SULT1A2: variants seen among roughly 807,000 people sequenced by gnomAD.
The protein encoded by SULT1A2 is sulfotransferase family 1A member 2, also known as sulfotransferase 1A2.
SULT1A2 carries 33 observed loss-of-function variants against 36.0 expected under a neutral mutation model. The observed-to-expected ratio is 0.92, with a 90% CI of 0.69 to 1.22. SULT1A2 has a LOEUF of 1.22. Among genes scored for constraint, SULT1A2 ranks in the 50% most tolerant of loss-of-function variants. The probability of loss-of-function intolerance (pLI) is 0.00; values close to 1 mark genes in which losing one functional copy is unlikely to be tolerated. For synonymous variants in SULT1A2, 138 were observed against 144.5 expected, an observed-to-expected ratio of 0.96 and a Z score of 0.32; for missense variants, 367 against 383.2, an observed-to-expected ratio of 0.96 and a Z score of 0.35.
intron 4 of SULT1A2, among the ~76,000 whole-genome samples, chr16:28,594,285 G>A (rs1038046253): frequency 1.3e-5 from 2 of 151,796 alleles, no homozygotes; most frequent in Non-Finnish European, 2.9e-5. Context: ...GGACTATAGC[G>A]CTATGCCACC....
Position 28,593,447 on chromosome 16 carries a change from C to T in SULT1A2, c.494G>A (p.Gly165Glu). The T allele has an allele frequency of 6.2e-7, 1 of 1,614,184 alleles. No homozygotes were observed. Reference protein sequence around the residue: ...WESFLEKFMAGEVSYGSWYQH... With the variant: ...WESFLEKFMAEEVSYGSWYQH... Reference sequence around the variant, plus strand: ...CTTCCTCCCATCAAGCCCACCTTCTCCAGCCATGAACTTCTCCAGGAAGCT... The same window carrying T: ...CTTCCTCCCATCAAGCCCACCTTCTTCAGCCATGAACTTCTCCAGGAAGCT... The change falls in exon 5 of 8, where the codon GGA becomes GAA. Residue 165 changes from glycine (G) to glutamate (E), a missense_variant. Coordinates refer to ENST00000335715, the MANE Select transcript of SULT1A2 (RefSeq NM_001054.4).
rs374846262 is a variant in SULT1A2 at position 28,593,547 on chromosome 16, C to T, written c.394G>A (p.Ala132Thr). 1.6e-5 allele frequency: 26 copies of T among 1,614,184 alleles called. No individual in the cohort carries two copies. The highest frequency in any genetic ancestry group is 1.1e-4 in the African/African-American group (8 of 75,038). The change falls in exon 5 of 8, where the codon GCA becomes ACA. Residue 132 changes from alanine to threonine, a missense_variant. Physicochemically the swap from Ala to Thr is moderately conservative, Grantham distance 58 (BLOSUM62 0). Transcript: ENST00000335715. ...KVKVVYVARNAKDVAVSYYHF... is the reference protein window; with the variant it reads ...KVKVVYVARNTKDVAVSYYHF... ...TAGTAGGAAACCGCCACATCCTTTGCGTTGCGGGCAACATAGACCACCTGC... is the reference window on the plus strand; with the variant it reads ...TAGTAGGAAACCGCCACATCCTTTGTGTTGCGGGCAACATAGACCACCTGC...
chr16:28,594,113 G>C (rs1001873413), intron 4 of SULT1A2, among the ~76,000 whole-genome samples: 1 of 149,524 alleles, frequency 6.7e-6, no homozygotes, highest in African/African-American at 2.4e-5. Context: ...TTTTTGGGGG[G>C]GGGGACTCTA....
intron 6 of SULT1A2, 158 bp from the exon 7 acceptor site, chr16:28,592,601 A>C: frequency 3.7e-6 from 5 of 1,344,194 alleles, no homozygotes; most frequent in Non-Finnish European, 4.1e-6. Context: ...CTGGGGCAAA[A>C]TGAATTGCTG....
At chr16:28,594,755 C>T (rs1305822013) in intron 4 of SULT1A2, among the ~76,000 whole-genome samples, 1 of 148,458 alleles carries the variant, frequency 6.7e-6, no homozygotes, top group African/African-American at 2.5e-5. Context: ...AGGCCCAGCC[C>T]CCTGCCACCT....
rs887634628 is a variant in SULT1A2, at chr16:28,597,013, C to T, written c.-21G>A. ...GTCACTCACCTGAGCTCTTGGGAAC[C>T]TGGCCTTGTGCCCTCCTCGCCCGCA... On this transcript the variant is annotated 5_prime_UTR_variant, in exon 1 of 8. Coordinates refer to ENST00000335715, the MANE Select transcript of SULT1A2 (RefSeq NM_001054.4). 1.0e-5 allele frequency: 13 copies of T among 1,281,068 alleles called. No homozygotes were observed. The highest frequency in any genetic ancestry group is 1.3e-5 in the Non-Finnish European group (13 of 982,086). 79.4% of individuals were successfully genotyped at this position (1,281,068 alleles called of 1,614,324 possible).
At position 28,592,144 on chromosome 16, in the gene SULT1A2, G is replaced by C; in HGVS notation, c.776-4C>G. ...GTCTTCCAGTCCCCAGCCATGCCTGGGGGAGGAAGGCAGGGAGCAAAGCTG... is the reference window on the plus strand; with the variant it reads ...GTCTTCCAGTCCCCAGCCATGCCTGCGGGAGGAAGGCAGGGAGCAAAGCTG... On this transcript the variant is annotated splice_polypyrimidine_tract_variant and splice_region_variant and intron_variant, in intron 7 of 7. Transcript: ENST00000335715. The C allele has an allele frequency of 1.9e-6, 3 of 1,612,230 alleles. No homozygotes were observed. Among genetic ancestry groups the C allele is most frequent in the South Asian group, 1.1e-5 (1 of 91,004 alleles).
rs915048378 is a variant in SULT1A2 at position 28,596,061 on chromosome 16, G to T, written c.-4-127C>A. 7 of 1,565,432 alleles carry T rather than the reference G, an allele frequency of 4.5e-6. No individual in the cohort carries two copies. The Admixed American group carries it at 9.1e-5, about 20-fold the overall frequency. ...TGAGTGACTTGCCCGCACTCACAAG[G>T]CCAGTCAGTGGCGGGGCTGGGGCTG... On this transcript the variant is annotated intron_variant, in intron 1 of 7. Coordinates refer to ENST00000335715, the MANE Select transcript of SULT1A2 (RefSeq NM_001054.4).
rs1033591115 is a variant in SULT1A2, at chr16:28,594,770, C to CTTTTTTT, written c.372+590_372+596dup. ...AGGCCCAGCCCCCTGCCACCTGCCG[C>CTTTTTTT]TTTTTTTTTTTTTTTTTTTTTTTTT... is the stretch of plus-strand genomic sequence containing the variant. On this transcript the variant is annotated intron_variant, in intron 4 of 7. Transcript: ENST00000335715. Among the ~76,000 whole-genome samples, 20 of 53,844 alleles carry CTTTTTTT rather than the reference C, an allele frequency of 3.7e-4. 4 individuals are homozygous for CTTTTTTT. The highest frequency in any genetic ancestry group is 1.3e-3 in the African/African-American group (18 of 14,366). 35.3% of individuals were successfully genotyped at this position (53,844 alleles called of 152,430 possible). A position where few individuals can be genotyped will look rare whatever the true frequency, so the allele number is the denominator to read the frequency against.
At chr16:28,595,289 C>T (rs532652170) in intron 4 of SULT1A2, 78 bp downstream of exon 4, 3 of 1,571,324 alleles carry the variant, frequency 1.9e-6, no homozygotes, top group Non-Finnish European at 2.6e-6. Flanking sequence ...TCTGGAACTT[C>T]TGGCTTCAAG....
rs2047057092 is a variant in SULT1A2 at position 28,596,073 on chromosome 16, C to T, written c.-4-139G>A. The T allele has an allele frequency of 6.5e-6, 10 of 1,543,918 alleles. 1 individual carries two copies. Among genetic ancestry groups the T allele is most frequent in the Middle Eastern group, 2.4e-4 (1 of 4,186 alleles). On this transcript the variant is annotated intron_variant, in intron 1 of 7. Coordinates refer to ENST00000335715, the MANE Select transcript of SULT1A2 (RefSeq NM_001054.4). ...CCGCACTCACAAGGCCAGTCAGTGGCGGGGCTGGGGCTGAAAACCAGGTCG... is the reference window on the plus strand; with the variant it reads ...CCGCACTCACAAGGCCAGTCAGTGGTGGGGCTGGGGCTGAAAACCAGGTCG...
intron 1 of SULT1A2, chr16:28,596,580 G>A (rs2047061967): frequency 3.9e-6 from 1 of 257,860 alleles, no homozygotes; most frequent in East Asian, 1.4e-4. Flanking sequence ...GGGCAGGGTG[G>A]CTCCCACCTG....
chr16:28,597,033 C>A lies in SULT1A2; in HGVS notation c.-41G>T. 7.8e-7 allele frequency: 1 copy of A among 1,283,274 alleles called. No individual in the cohort carries two copies. Among genetic ancestry groups the A allele is most frequent in the Non-Finnish European group, 1.0e-6 (1 of 983,440 alleles). 79.5% of individuals were successfully genotyped at this position (1,283,274 alleles called of 1,614,324 possible). On this transcript the variant is annotated 5_prime_UTR_variant, in exon 1 of 8. Coordinates refer to ENST00000335715, the MANE Select transcript of SULT1A2 (RefSeq NM_001054.4). ...GGAACCTGGCCTTGTGCCCTCCTCG[C>A]CCGCAGTGGCTGAGTGTGGGTGTTG...
intron 1 of SULT1A2, chr16:28,596,264 T>A (rs1159840320): frequency 7.8e-7 from 1 of 1,277,286 alleles, no homozygotes; most frequent in Non-Finnish European, 1.0e-6. Flanking sequence ...CCAGCTGCAC[T>A]GAGGAACCTC....
intron 1 of SULT1A2, chr16:28,596,507 T>TG: frequency 1.9e-6 from 1 of 527,064 alleles, no homozygotes; most frequent in Non-Finnish European, 2.7e-6. Context: ...GAGCTGGTAT[T>TG]GGGGGCCAGA....
chr16:28,592,547 C>CA, intron 6 of SULT1A2, 104 bp from the exon 7 acceptor site: 1 of 1,580,540 alleles, frequency 6.3e-7, no homozygotes, highest in Non-Finnish European at 8.6e-7. Context: ...ACTTCCACTT[C>CA]AAAACCCATA....
At chr16:28,592,882 T>G (rs1419722775) in intron 6 of SULT1A2, among the ~76,000 whole-genome samples, 4 of 151,988 alleles carry the variant, frequency 2.6e-5, no homozygotes, top group African/African-American at 9.7e-5. Context: ...CATGGTAGTG[T>G]GCATCTGTAA....
At position 28,595,919 on chromosome 16, in the gene SULT1A2, G is replaced by T. The variant is rs2047055273; in HGVS notation, c.12C>A (p.Ile4=). 3 of 1,599,270 alleles carry T rather than the reference G, an allele frequency of 1.9e-6. No homozygotes were observed. The highest frequency in any genetic ancestry group is 4.5e-5 in the East Asian group (2 of 44,840). The part of the protein sequence containing the change: MEL[I]QDISRPPLEY... ...CCAGTGGCGGGCGAGAGATGTCCTG[G>T]ATCAGCTCCATGTTCCTGCGTCAGG... is the stretch of plus-strand genomic sequence containing the variant. Residue 4 remains isoleucine (I), a synonymous_variant, in exon 2 of 8, where the codon ATC becomes ATA. Transcript: ENST00000335715.
intron 4 of SULT1A2, 71 bp downstream of exon 4, chr16:28,595,296 C>G: frequency 6.3e-7 from 1 of 1,586,934 alleles, no homozygotes; most frequent in Non-Finnish European, 8.6e-7. Context: ...CTTCTGGCTT[C>G]AAGGGATCTT....
Sources: gnomAD v4.1 joint callset for allele counts (sites outside exome capture counted in the v4.1 genomes callset) on GRCh38, gnomAD v4.1.1 for gene constraint, MANE v1.5 for transcripts, NCBI Gene and HGNC (gene_info 2026-07-23, HGNC 2026-07-21) for gene names.